SCHIP1: variants seen among roughly 807,000 people sequenced by gnomAD.
SCHIP1 encodes the protein schwannomin-interacting protein 1.
SCHIP1 carries 8 observed loss-of-function variants against 29.7 expected under a neutral mutation model. That is an observed-to-expected ratio of 0.27 (90% confidence interval 0.16 to 0.49). The LOEUF (loss-of-function observed/expected upper bound fraction) is 0.49. SCHIP1 is among the 20% of genes least tolerant of loss of function. The probability of loss-of-function intolerance (pLI) is 0.99; values close to 1 mark genes in which losing one functional copy is unlikely to be tolerated. For missense variants in SCHIP1, 193 were observed against 294.6 expected (o/e 0.66, Z 2.52); for synonymous variants, 76 against 94.9 (o/e 0.80, Z 1.16).
chr3:159,891,064 T>G (rs2109492048), intron 5 of SCHIP1, among the ~76,000 whole-genome samples: 1 of 152,174 alleles, frequency 6.6e-6, no homozygotes, highest in East Asian at 1.9e-4. Context: ...AGTGCACTGA[T>G]TTCAGGAAGA....
chr3:159,863,209 G>A (rs1025917829), intron 1 of SCHIP1, among the ~76,000 whole-genome samples: 4 of 152,080 alleles, frequency 2.6e-5, no homozygotes, highest in Non-Finnish European at 4.4e-5. Context: ...GCGTAGTGGC[G>A]CGAGCCTGTA....
At chr3:159,728,168 G>C in the SCHIP1 span, among the ~76,000 whole-genome samples, 3 of 152,112 alleles carry the variant, frequency 2.0e-5, no homozygotes, top group African/African-American at 7.2e-5. Flanking sequence ...ATGCCAGTGG[G>C]TGGGTAGATT....
At chr3:159,581,585 C>T in the SCHIP1 span, among the ~76,000 whole-genome samples, 2 of 152,122 alleles carry the variant, frequency 1.3e-5, no homozygotes, top group South Asian at 4.1e-4. Context: ...CCCATGATAT[C>T]AGAGGACACC....
At chr3:159,420,393 G>C in the SCHIP1 span, among the ~76,000 whole-genome samples, 2 of 152,178 alleles carry the variant, frequency 1.3e-5, no homozygotes, top group African/African-American at 2.4e-5. Context: ...TTAAAAAATA[G>C]AAGCACCCTC....
At chr3:159,426,226 A>G in the SCHIP1 span, among the ~76,000 whole-genome samples, 1 of 152,118 alleles carries the variant, frequency 6.6e-6, no homozygotes, top group East Asian at 1.9e-4. Flanking sequence ...GACACAAAAA[A>G]CCCTTAATGA....
At chr3:159,459,188 C>T in the SCHIP1 span, among the ~76,000 whole-genome samples, 2 of 152,118 alleles carry the variant, frequency 1.3e-5, no homozygotes, top group African/African-American at 4.8e-5. Flanking sequence ...ACATTCTTCA[C>T]TTTCTTAGAA....
chr3:159,806,240 A>G, the SCHIP1 span, among the ~76,000 whole-genome samples: 3 of 152,226 alleles, frequency 2.0e-5, no homozygotes, highest in Non-Finnish European at 4.4e-5. Context: ...AATACCCACT[A>G]TCTGGTCAGT....
At chr3:159,340,642 A>C in the SCHIP1 span, among the ~76,000 whole-genome samples, 1 of 152,068 alleles carries the variant, frequency 6.6e-6, no homozygotes, top group Admixed American at 6.6e-5. Context: ...CTTTATTCTA[A>C]ATCTTTCAGC....
At chr3:159,492,570 G>C in the SCHIP1 span, among the ~76,000 whole-genome samples, 18 of 152,128 alleles carry the variant, frequency 1.2e-4, no homozygotes, top group Non-Finnish European at 2.6e-4. Context: ...AAAAAGAAAT[G>C]AACAAAGCCT....
chr3:159,798,366 G>A, the SCHIP1 span, among the ~76,000 whole-genome samples: 3 of 152,028 alleles, frequency 2.0e-5, no homozygotes, highest in African/African-American at 7.2e-5. Flanking sequence ...CTTTTTAGGA[G>A]GTTTAAATGG....
chr3:159,604,601 T>C, the SCHIP1 span, among the ~76,000 whole-genome samples: 4 of 152,202 alleles, frequency 2.6e-5, no homozygotes, highest in Non-Finnish European at 5.9e-5. Flanking sequence ...GTTATTCAAG[T>C]AAACCAGCAA....
the SCHIP1 span, among the ~76,000 whole-genome samples, chr3:159,682,254 TC>T: frequency 6.6e-6 from 1 of 152,168 alleles, no homozygotes; most frequent in East Asian, 1.9e-4. Flanking sequence ...TTCTTCCTCT[TC>T]CCTTTTTCTG....
the SCHIP1 span, among the ~76,000 whole-genome samples, chr3:159,612,226 A>G: frequency 4.3e-4 from 66 of 152,284 alleles, no homozygotes; most frequent in Non-Finnish European, 8.4e-4. Flanking sequence ...TAAGATATCA[A>G]TGACAAAAAT....
At chr3:159,366,059 T>G in the SCHIP1 span, among the ~76,000 whole-genome samples, 1 of 152,260 alleles carries the variant, frequency 6.6e-6, no homozygotes, top group African/African-American at 2.4e-5. Context: ...CTTTACAGGC[T>G]TTACAGGAAG....
At chr3:159,446,604 A>G in the SCHIP1 span, among the ~76,000 whole-genome samples, 1 of 152,186 alleles carries the variant, frequency 6.6e-6, no homozygotes, top group Non-Finnish European at 1.5e-5. Flanking sequence ...ACAATACAAT[A>G]AGGCAATACC....
the SCHIP1 span, among the ~76,000 whole-genome samples, chr3:159,376,493 G>A: frequency 6.6e-6 from 1 of 152,184 alleles, no homozygotes; most frequent in African/African-American, 2.4e-5. Context: ...CCTAAGTAAG[G>A]ACCACTTTAA....
chr3:159,500,243 A>G, the SCHIP1 span, among the ~76,000 whole-genome samples: 3 of 152,082 alleles, frequency 2.0e-5, no homozygotes, highest in South Asian at 2.1e-4. Context: ...TGGAGAAAAC[A>G]CTGTTTTCCC....
chr3:159,797,552 T>C, the SCHIP1 span, among the ~76,000 whole-genome samples: 1 of 151,826 alleles, frequency 6.6e-6, no homozygotes, highest in Non-Finnish European at 1.5e-5. Flanking sequence ...AAAAACAAAC[T>C]TACAAGCAAG....
At chr3:159,522,027 G>A in the SCHIP1 span, among the ~76,000 whole-genome samples, 1 of 152,108 alleles carries the variant, frequency 6.6e-6, no homozygotes, top group Admixed American at 6.5e-5. Context: ...TGTGATCAGA[G>A]GACAAAAATA....
Sources: gnomAD v4.1 joint callset for allele counts (sites outside exome capture counted in the v4.1 genomes callset) on GRCh38, gnomAD v4.1.1 for gene constraint, MANE v1.5 for transcripts, NCBI Gene and HGNC (gene_info 2026-07-23, HGNC 2026-07-21) for gene names.